MAGI2: variants seen among roughly 807,000 people sequenced by gnomAD.
MAGI2 encodes the protein membrane associated guanylate kinase, WW and PDZ domain containing 2, also known as membrane-associated guanylate kinase, WW and PDZ domain-containing protein 2.
A neutral mutation model predicts 133.3 loss-of-function variants in MAGI2; 35 were observed. The observed-to-expected ratio is 0.26, with a 90% CI of 0.20 to 0.35. The LOEUF (loss-of-function observed/expected upper bound fraction) is 0.35. Ranked by LOEUF, MAGI2 falls within the 10% of genes least tolerant of loss-of-function variation. The pLI is 1.00. For synonymous variants in MAGI2, 729 were observed against 710.6 expected (o/e 1.03, Z -0.41); for missense variants, 1,636 against 1,863.4 (o/e 0.88, Z 2.25).
chr7:78,517,016 T>C (rs754150027), intron 4 of MAGI2, among the ~76,000 whole-genome samples: 4 of 152,176 alleles, frequency 2.6e-5, no homozygotes, highest in Non-Finnish European at 5.9e-5. Flanking sequence ...AAGTAATGCT[T>C]AGGTGATGCT....
At chr7:78,841,235 C>T (rs372315203) in intron 2 of MAGI2, among the ~76,000 whole-genome samples, 59 of 152,130 alleles carry the variant, frequency 3.9e-4, no homozygotes, top group African/African-American at 1.3e-3. Flanking sequence ...AATGAAGTTG[C>T]CTTCATAATG....
intron 9 of MAGI2, among the ~76,000 whole-genome samples, chr7:78,262,580 G>C (rs1793616391): frequency 6.6e-6 from 1 of 152,080 alleles, no homozygotes; most frequent in African/African-American, 2.4e-5. Context: ...TAGAAGTCAG[G>C]GGGTTTATGT....
At chr7:78,066,387 G>A (rs552287256) in intron 21 of MAGI2, among the ~76,000 whole-genome samples, 1 of 152,000 alleles carries the variant, frequency 6.6e-6, no homozygotes, top group Admixed American at 6.6e-5. Context: ...ACTTGAACCC[G>A]GGAGGCAGAG....
intron 21 of MAGI2, among the ~76,000 whole-genome samples, chr7:78,020,642 T>G (rs1808302555): frequency 6.6e-6 from 1 of 152,090 alleles, no homozygotes; most frequent in Admixed American, 6.5e-5. Flanking sequence ...TTGGGTCACA[T>G]TCAAAGCTGG....
intron 1 of MAGI2, among the ~76,000 whole-genome samples, chr7:79,440,452 TA>T (rs1848426227): frequency 6.6e-6 from 1 of 152,082 alleles, no homozygotes; most frequent in African/African-American, 2.4e-5. Context: ...TTCAGAATGG[TA>T]AAAAATTTCT....
At chr7:78,164,799 C>T (rs1825458999) in intron 15 of MAGI2, among the ~76,000 whole-genome samples, 2 of 152,240 alleles carry the variant, frequency 1.3e-5, no homozygotes, top group Non-Finnish European at 2.9e-5. Flanking sequence ...TAGATTTACA[C>T]TTCAGGAAAT....
intron 1 of MAGI2, among the ~76,000 whole-genome samples, chr7:79,272,964 C>G (rs1834981546): frequency 6.6e-6 from 1 of 152,138 alleles, no homozygotes; most frequent in Non-Finnish European, 1.5e-5. Context: ...TCTAGCCTAG[C>G]TCTATTCCTA....
chr7:78,793,778 G>A (rs1481918456), intron 2 of MAGI2, among the ~76,000 whole-genome samples: 3 of 152,170 alleles, frequency 2.0e-5, no homozygotes, highest in Non-Finnish European at 4.4e-5. Context: ...TATTTGGTCA[G>A]TTCAAAGAGT....
chr7:78,255,311 T>A (rs1792853556), intron 10 of MAGI2: 1 of 156,754 alleles, frequency 6.4e-6, no homozygotes, highest in East Asian at 1.9e-4. Context: ...CCTCACCCTG[T>A]TCTGTAACTT....
chr7:78,523,970 A>G (rs1003655101), intron 3 of MAGI2, among the ~76,000 whole-genome samples: 3 of 152,084 alleles, frequency 2.0e-5, no homozygotes, highest in African/African-American at 7.2e-5. Context: ...CTACTAACAA[A>G]GGGACAACCC....
At chr7:78,668,178 G>C (rs1359411995) in intron 2 of MAGI2, among the ~76,000 whole-genome samples, 1 of 152,112 alleles carries the variant, frequency 6.6e-6, no homozygotes, top group Non-Finnish European at 1.5e-5. Context: ...TTTTTTGGCT[G>C]CATAAATGTC....
chr7:78,894,868 G>T (rs182967394), intron 2 of MAGI2, among the ~76,000 whole-genome samples: 49 of 152,194 alleles, frequency 3.2e-4, no homozygotes, highest in African/African-American at 1.2e-3. Flanking sequence ...ACTTCCAACA[G>T]TATTTAATAA....
At chr7:78,941,728 TCACACACACACACACACACACA>T (rs3068585) in intron 2 of MAGI2, among the ~76,000 whole-genome samples, 4 of 123,462 alleles carry the variant, frequency 3.2e-5, no homozygotes, top group South Asian at 5.9e-4. Context: ...GCCTATTTCA[TCACACACACACACACACACACA>T]CACACACACA....
At chr7:79,311,653 C>T (rs555317922) in intron 1 of MAGI2, among the ~76,000 whole-genome samples, 2 of 152,162 alleles carry the variant, frequency 1.3e-5, no homozygotes, top group South Asian at 2.1e-4. Context: ...CAGATGATTC[C>T]CAAATGTACT....
chr7:78,402,206 TG>T (rs1275731353), intron 6 of MAGI2, among the ~76,000 whole-genome samples: 2 of 152,040 alleles, frequency 1.3e-5, no homozygotes, highest in East Asian at 3.9e-4. Flanking sequence ...GGGGTGTGTG[TG>T]TGTGTGTATC....
intron 2 of MAGI2, among the ~76,000 whole-genome samples, chr7:78,917,303 T>C (rs1173799907): frequency 6.6e-6 from 1 of 152,010 alleles, no homozygotes; most frequent in African/African-American, 2.4e-5. Context: ...GAAGTGAACA[T>C]GTGGACCTGG....
At chr7:78,252,139 T>TAAAAAAAAAAAAAAAA (rs59245045) in intron 10 of MAGI2, 2 of 122,218 alleles carry the variant, frequency 1.6e-5, no homozygotes, top group African/African-American at 3.2e-5. Flanking sequence ...CCCTGTCTAT[T>TAAAAAAAAAAAAAAAA]AAAAAAAAAA....
chr7:78,114,778 A>G (rs1819693478), intron 20 of MAGI2, among the ~76,000 whole-genome samples: 1 of 152,192 alleles, frequency 6.6e-6, no homozygotes, highest in Admixed American at 6.5e-5. Flanking sequence ...GGCAGTGGCA[A>G]GAACTCATTA....
At chr7:79,036,237 A>T (rs61639395) in intron 1 of MAGI2, among the ~76,000 whole-genome samples, 3,618 of 152,330 alleles carry the variant, frequency 0.024, 115 homozygotes, top group African/African-American at 0.082. Context: ...AAAGGTAAGC[A>T]AAGCCAGCAA....
Sources: allele counts gnomAD v4.1 joint callset (sites outside exome capture counted in the v4.1 genomes callset), GRCh38; gene constraint gnomAD v4.1.1; transcripts MANE v1.5; gene names NCBI Gene and HGNC (gene_info 2026-07-23, HGNC 2026-07-21).